KAZN: variants seen among roughly 807,000 people sequenced by gnomAD.
The protein encoded by KAZN is kazrin.
KAZN carries 40 observed loss-of-function variants against 87.4 expected under a neutral mutation model. The ratio of observed to expected loss-of-function variants is 0.46; its 90% CI spans 0.36 to 0.60. The LOEUF (loss-of-function observed/expected upper bound fraction) is 0.60. KAZN is among the 20% of genes least tolerant of loss of function. KAZN has a pLI of 0.00. For missense variants in KAZN, 898 were observed against 1,073.9 expected (o/e 0.84, Z 2.29); for synonymous variants, 466 against 458.3 (o/e 1.02, Z -0.22).
At chr1:14,732,464 C>A (rs866615974) in intron 1 of KAZN, among the ~76,000 whole-genome samples, 2 of 152,058 alleles carry the variant, frequency 1.3e-5, no homozygotes, top group African/African-American at 4.8e-5. Context: ...TATGGTGAAA[C>A]CCCCTCTCTA....
chr1:15,012,341 C>T (rs902438435), intron 2 of KAZN, among the ~76,000 whole-genome samples: 2 of 152,172 alleles, frequency 1.3e-5, no homozygotes, highest in Non-Finnish European at 2.9e-5. Flanking sequence ...GGCCAATCCA[C>T]AGGCTCCAGA....
At chr1:13,996,842 G>A (rs72640554) in intron 1 of KAZN, among the ~76,000 whole-genome samples, 59,319 of 151,778 alleles carry the variant, frequency 0.39, 12,273 homozygotes, top group Admixed American at 0.55. Flanking sequence ...ACCCCCCTCC[G>A]CAAAGGGACA....
intron 1 of KAZN, among the ~76,000 whole-genome samples, chr1:13,900,191 A>G (rs1400090462): frequency 3.9e-5 from 6 of 152,110 alleles, no homozygotes; most frequent in African/African-American, 1.4e-4. Context: ...TCAGTGGGGA[A>G]AACAACTTAT....
chr1:13,895,079 T>C (rs753241617), intron 1 of KAZN, among the ~76,000 whole-genome samples: 1 of 152,230 alleles, frequency 6.6e-6, no homozygotes, highest in African/African-American at 2.4e-5. Context: ...ATTAAGTTAA[T>C]ATGTGAAAAC....
chr1:14,259,007 G>A lies in KAZN; in HGVS notation c.249+78415G>A, dbSNP rs72865780. 8.2e-3 allele frequency among the ~76,000 whole-genome samples: 1,249 copies of A among 152,238 alleles called. 17 individuals carry two copies. Among genetic ancestry groups the A allele is most frequent in the African/African-American group, 0.027 (1,117 of 41,534 alleles). On this transcript the variant is annotated intron_variant, in intron 2 of 16. Transcript: ENST00000636203. Reference sequence around the variant, plus strand: ...AGGAGAGGTAATCACGGGGCTGGGCGTCAGGTAGAGAGACTCAAAGGTCTG... The same window carrying A: ...AGGAGAGGTAATCACGGGGCTGGGCATCAGGTAGAGAGACTCAAAGGTCTG...
chr1:14,385,264 C>T (rs1342859232), intron 2 of KAZN, among the ~76,000 whole-genome samples: 1 of 152,138 alleles, frequency 6.6e-6, no homozygotes, highest in Non-Finnish European at 1.5e-5. Context: ...AAAAAACCAG[C>T]TCCTGGATTC....
intron 2 of KAZN, among the ~76,000 whole-genome samples, chr1:14,198,319 G>T (rs1646570383): frequency 6.6e-6 from 1 of 152,196 alleles, no homozygotes; most frequent in African/African-American, 2.4e-5. Context: ...ACTTGATGGG[G>T]TCAGGCATAG....
At position 14,923,394 on chromosome 1, in the gene KAZN, T is replaced by A. The variant is rs1658774965; in HGVS notation, c.227-37290T>A. On this transcript the variant is annotated intron_variant, in intron 1 of 14. Transcript: ENST00000376030. This position sits in a 1 kb window ranked among gnomAD's most constrained non-coding sequence, Gnocchi z 4.2. ...CCACTCCAGCGGGTGGGTTCTGTTG[T>A]GCAGACCCTCCAAGGTGCCACTTCC... Among the ~76,000 whole-genome samples the A allele has an allele frequency of 6.6e-6, 1 of 152,232 alleles. No individual in the cohort carries two copies. Among genetic ancestry groups the A allele is most frequent in the Non-Finnish European group, 1.5e-5 (1 of 68,042 alleles).
chr1:14,270,175 G>A (rs1342458517), intron 2 of KAZN, among the ~76,000 whole-genome samples: 1 of 152,194 alleles, frequency 6.6e-6, no homozygotes, highest in Admixed American at 6.5e-5. Flanking sequence ...ACCTTTAACT[G>A]GACTAGCTTG....
At chr1:14,574,871 C>A (rs1371960678) in intron 2 of KAZN, among the ~76,000 whole-genome samples, 1 of 152,088 alleles carries the variant, frequency 6.6e-6, no homozygotes. Context: ...TCAGAGCGCA[C>A]AGAGCAGTGG....
chr1:14,543,073 T>C (rs1278118732), intron 2 of KAZN, among the ~76,000 whole-genome samples: 1 of 152,234 alleles, frequency 6.6e-6, no homozygotes, highest in Non-Finnish European at 1.5e-5. Flanking sequence ...CACAGGCTCC[T>C]AACTAGCTGG....
intron 8 of KAZN, among the ~76,000 whole-genome samples, chr1:15,090,281 G>A (rs1043907942): frequency 2.6e-5 from 4 of 152,192 alleles, no homozygotes; most frequent in African/African-American, 9.6e-5. Context: ...CCTCTTCCCA[G>A]AAGCACATAA....
At chr1:14,907,459 A>G (rs2807561) in intron 1 of KAZN, among the ~76,000 whole-genome samples, 39,186 of 151,430 alleles carry the variant, frequency 0.26, 5,337 homozygotes, top group Admixed American at 0.33. Context: ...GACCTCAGGC[A>G]TCAGAATCTG....
At chr1:14,314,581 G>A (rs967635731) in intron 2 of KAZN, among the ~76,000 whole-genome samples, 2 of 152,162 alleles carry the variant, frequency 1.3e-5, no homozygotes, top group African/African-American at 4.8e-5. Context: ...TCCACTCTAC[G>A]CAGTTCTCAA....
intron 1 of KAZN, among the ~76,000 whole-genome samples, chr1:14,723,969 C>T (rs1315558037): frequency 6.6e-6 from 1 of 152,112 alleles, no homozygotes; most frequent in South Asian, 2.1e-4. Context: ...TGACGTCCAC[C>T]GAATATGGCA....
chr1:14,913,128 C>A (rs771099811), intron 1 of KAZN, among the ~76,000 whole-genome samples: 12 of 152,242 alleles, frequency 7.9e-5, no homozygotes, highest in Non-Finnish European at 1.5e-4. Context: ...GCTTGTGGTG[C>A]GCCTGGCACT....
intron 1 of KAZN, among the ~76,000 whole-genome samples, chr1:13,960,081 G>GA (rs1162724770): frequency 3.3e-5 from 5 of 151,638 alleles, no homozygotes; most frequent in Non-Finnish European, 7.4e-5. Flanking sequence ...GTCTAATGGG[G>GA]AAAAAGCCAT....
At chr1:14,483,855 C>T (rs1669208676) in intron 2 of KAZN, among the ~76,000 whole-genome samples, 1 of 152,096 alleles carries the variant, frequency 6.6e-6, no homozygotes, top group Non-Finnish European at 1.5e-5. Context: ...TGTCATGGAG[C>T]CATTGCCCTA....
intron 2 of KAZN, among the ~76,000 whole-genome samples, chr1:14,448,593 T>C (rs567711773): frequency 8.6e-4 from 131 of 152,346 alleles, no homozygotes; most frequent in African/African-American, 3.1e-3. Flanking sequence ...ATGCACATCC[T>C]GGATTGAAGT....
Sources: allele counts gnomAD v4.1 joint callset (sites outside exome capture counted in the v4.1 genomes callset), GRCh38; gene constraint gnomAD v4.1.1; non-coding constraint Gnocchi (gnomAD v3.1); transcripts MANE v1.5; gene names NCBI Gene and HGNC (gene_info 2026-07-23, HGNC 2026-07-21).